ADAMTSL1: variants seen among roughly 807,000 people sequenced by gnomAD.
The protein encoded by ADAMTSL1 is ADAMTS like 1, also known as ADAMTS-like protein 1.
ADAMTSL1 carries 126 observed loss-of-function variants against 201.8 expected under a neutral mutation model. The ratio of observed to expected loss-of-function variants is 0.62; its 90% confidence interval spans 0.54 to 0.72. The LOEUF is 0.72. Among genes scored for constraint, ADAMTSL1 ranks in the 30% least tolerant of loss-of-function variants. The pLI, the probability that ADAMTSL1 is intolerant of heterozygous loss-of-function variation, is 0.00. For synonymous variants in ADAMTSL1, 1,121 were observed against 903.4 expected (o/e 1.24, Z -4.32); for missense variants, 2,679 against 2,277.8 (o/e 1.18, Z -3.59).
At chr9:18,672,967 T>A (rs950219603) in intron 9 of ADAMTSL1, among the ~76,000 whole-genome samples, 2 of 152,230 alleles carry the variant, frequency 1.3e-5, no homozygotes, top group African/African-American at 4.8e-5. Context: ...AGAAACAATG[T>A]AAGAACTGTG....
At position 17,983,032 on chromosome 9, in the gene ADAMTSL1, AT is replaced by A. The variant is rs143071994; in HGVS notation, c.87+76120del. On this transcript the variant is annotated intron_variant, in intron 1 of 29. Transcript: ENST00000680146. Reference sequence around the variant, plus strand: ...TACTTCCTCCCTCCCCTTTTCAACTATTTTTTTTTTCATTTTCTTTTTCTTT... The same window carrying A: ...TACTTCCTCCCTCCCCTTTTCAACTATTTTTTTTTCATTTTCTTTTTCTTT... 6.7e-4 allele frequency among the ~76,000 whole-genome samples: 68 copies of A among 101,930 alleles called. 1 individual carries two copies. Among genetic ancestry groups the A allele is most frequent in the Admixed American group, 2.4e-3 (23 of 9,774 alleles). 66.9% of individuals were successfully genotyped at this position (101,930 alleles called of 152,430 possible). A position where few individuals can be genotyped will look rare whatever the true frequency, so the allele number is the denominator to read the frequency against.
At chr9:18,357,386 G>A (rs750825926) in intron 2 of ADAMTSL1, among the ~76,000 whole-genome samples, 9 of 152,052 alleles carry the variant, frequency 5.9e-5, no homozygotes, top group South Asian at 2.1e-4. Flanking sequence ...AATATGTTCC[G>A]TTTCACTTCA....
chr9:18,765,384 A>C (rs924315568), intron 16 of ADAMTSL1, among the ~76,000 whole-genome samples: 1 of 152,148 alleles, frequency 6.6e-6, no homozygotes, highest in African/African-American at 2.4e-5. Context: ...CAAAGGATTA[A>C]ATGAAAAGTG....
At chr9:18,177,709 T>C (rs1400540076) in intron 2 of ADAMTSL1, among the ~76,000 whole-genome samples, 5 of 152,180 alleles carry the variant, frequency 3.3e-5, no homozygotes, top group Non-Finnish European at 7.3e-5. Context: ...GCATATTAGC[T>C]GGCTTGTAAG....
chr9:18,197,949 T>C (rs562356367), intron 2 of ADAMTSL1, among the ~76,000 whole-genome samples: 17 of 152,042 alleles, frequency 1.1e-4, no homozygotes, highest in Admixed American at 3.9e-4. Context: ...TCAGAAATAA[T>C]GCCGCATATC....
rs370722268 is a variant in ADAMTSL1 at position 18,844,566 on chromosome 9, T to A, written c.4249+14589T>A. The stretch of plus-strand genomic sequence containing the variant: ...CTGGGAGAACCACTGCTCTCTTCAA[T>A]GCTGTCAGACAGGGACACTTAAGTC... On this transcript the variant is annotated intron_variant, in intron 23 of 28. Transcript: ENST00000380548. Among the ~76,000 whole-genome samples the A allele has an allele frequency of 3.3e-5, 5 of 152,320 alleles. No individual in the cohort carries two copies. The South Asian group carries it at 6.2e-4, about 19-fold the overall frequency.
At chr9:18,741,684 T>C (rs556854497) in intron 15 of ADAMTSL1, among the ~76,000 whole-genome samples, 1 of 152,204 alleles carries the variant, frequency 6.6e-6, no homozygotes, top group South Asian at 2.1e-4. Flanking sequence ...TTCTAAAACT[T>C]GTAGGAGTAG....
At chr9:18,468,343 G>T (rs1454658240) in intron 2 of ADAMTSL1, among the ~76,000 whole-genome samples, 1 of 151,918 alleles carries the variant, frequency 6.6e-6, no homozygotes, top group Non-Finnish European at 1.5e-5. Flanking sequence ...TTTGTTTTGG[G>T]GACAAGTATC....
intron 2 of ADAMTSL1, among the ~76,000 whole-genome samples, chr9:18,451,720 G>C (rs1291777920): frequency 6.6e-6 from 1 of 152,208 alleles, no homozygotes; most frequent in Non-Finnish European, 1.5e-5. Flanking sequence ...GACTGTCTTA[G>C]TCCATTTTGT....
At chr9:18,397,291 C>A (rs1817793030) in intron 2 of ADAMTSL1, among the ~76,000 whole-genome samples, 1 of 152,076 alleles carries the variant, frequency 6.6e-6, no homozygotes, top group South Asian at 2.1e-4. Context: ...AGAAGGAAAT[C>A]CTGCCTCGTG....
At chr9:18,299,573 C>T (rs778988241) in intron 2 of ADAMTSL1, among the ~76,000 whole-genome samples, 4 of 152,120 alleles carry the variant, frequency 2.6e-5, no homozygotes, top group Non-Finnish European at 2.9e-5. Context: ...CGACTCCTGC[C>T]GTGTCCTCTC....
At chr9:18,728,031 G>T (rs983873263) in intron 15 of ADAMTSL1, among the ~76,000 whole-genome samples, 2 of 151,918 alleles carry the variant, frequency 1.3e-5, no homozygotes, top group Non-Finnish European at 2.9e-5. Flanking sequence ...GGTGAGCCAA[G>T]ATCATGCCAT....
chr9:18,776,384 G>A (rs930177304), intron 18 of ADAMTSL1, among the ~76,000 whole-genome samples: 12 of 152,148 alleles, frequency 7.9e-5, no homozygotes, highest in Admixed American at 3.9e-4. Flanking sequence ...TTTTTATGAC[G>A]TTGATTTCTT....
At chr9:18,176,131 G>A (rs948824255) in intron 2 of ADAMTSL1, among the ~76,000 whole-genome samples, 1 of 150,930 alleles carries the variant, frequency 6.6e-6, no homozygotes, top group African/African-American at 2.4e-5. Flanking sequence ...TTTCAAGAAT[G>A]TTGTCAATTT....
intron 2 of ADAMTSL1, among the ~76,000 whole-genome samples, chr9:18,339,728 C>G (rs1835392415): frequency 1.3e-5 from 2 of 152,126 alleles, no homozygotes; most frequent in African/African-American, 4.8e-5. Context: ...GTCTGAGCCA[C>G]TGCTTCAGGT....
intron 2 of ADAMTSL1, among the ~76,000 whole-genome samples, chr9:18,289,019 A>G (rs1214870370): frequency 3.3e-5 from 5 of 152,200 alleles, no homozygotes; most frequent in Non-Finnish European, 7.3e-5. Flanking sequence ...TAAACTGTAA[A>G]TTATATGAGT....
At position 17,969,741 on chromosome 9, in the gene ADAMTSL1, A is replaced by G. The variant is rs531525149; in HGVS notation, c.87+62819A>G. 6.6e-5 allele frequency among the ~76,000 whole-genome samples: 10 copies of G among 152,206 alleles called. No homozygotes were observed. In the South Asian group the frequency reaches 2.1e-3, roughly 32 times the overall value. The stretch of plus-strand genomic sequence containing the variant: ...AAAGTGTTCTTAGAGAGGATCTTAA[A>G]TAAGTTGAATATTAGATAATTTTTG... On this transcript the variant is annotated intron_variant, in intron 1 of 29. Transcript: ENST00000680146.
chr9:18,376,836 C>G (rs760656258), intron 2 of ADAMTSL1, among the ~76,000 whole-genome samples: 5 of 152,098 alleles, frequency 3.3e-5, no homozygotes, highest in Non-Finnish European at 7.4e-5. Flanking sequence ...GATGTTTGTT[C>G]AGATAGTCAA....
chr9:18,282,454 G>T (rs1238201112), intron 2 of ADAMTSL1, among the ~76,000 whole-genome samples: 1 of 152,178 alleles, frequency 6.6e-6, no homozygotes, highest in East Asian at 1.9e-4. Flanking sequence ...GTAACAATAT[G>T]TGGGAATTTC....
Sources: gnomAD v4.1 joint callset for allele counts (sites outside exome capture counted in the v4.1 genomes callset) on GRCh38, gnomAD v4.1.1 for gene constraint, MANE v1.5 for transcripts, NCBI Gene and HGNC (gene_info 2026-07-23, HGNC 2026-07-21) for gene names.